The following C1orf185 variants were observed in gnomAD, a reference collection of about 807,000 sequenced individuals.
C1orf185 encodes the protein uncharacterized protein C1orf185.
In C1orf185, 13 loss-of-function variants were observed where a neutral mutation model predicts 16.1. That is an observed-to-expected ratio of 0.81 (90% CI 0.53 to 1.28). The LOEUF (loss-of-function observed/expected upper bound fraction) is 1.28, where lower values mean the gene tolerates loss of function less well. Ranked by LOEUF, C1orf185 falls within the 50% of genes most tolerant of loss-of-function variation. C1orf185 has a pLI of 0.00. For synonymous variants in C1orf185, 80 were observed against 76.9 expected (o/e 1.04, Z -0.21); for missense variants, 220 against 225.2 (o/e 0.98, Z 0.15).
At chr1:51,151,179 T>C (rs145476941), downstream of C1orf185, among the ~76,000 whole-genome samples, 2 of 152,294 alleles carry the variant, frequency 1.3e-5, no homozygotes, top group African/African-American at 4.8e-5. Flanking sequence ...CAAATAATGT[T>C]TGAACAACTA....
At chr1:51,142,747 T>C (rs1646373496) in intron 3 of C1orf185, among the ~76,000 whole-genome samples, 1 of 152,098 alleles carries the variant, frequency 6.6e-6, no homozygotes, top group Admixed American at 6.6e-5. Flanking sequence ...ATTCTCTTGT[T>C]CACTCCTGCT....
intron 3 of C1orf185, among the ~76,000 whole-genome samples, chr1:51,132,000 T>C (rs879289658): frequency 6.6e-5 from 10 of 152,174 alleles, no homozygotes; most frequent in Non-Finnish European, 1.3e-4. Context: ...GAGCTGAGGA[T>C]TGGCTGCCTA....
intron 3 of C1orf185, among the ~76,000 whole-genome samples, chr1:51,124,410 TG>T (rs1557647542): frequency 2.6e-5 from 4 of 152,210 alleles, no homozygotes; most frequent in Non-Finnish European, 5.9e-5. Context: ...GGTGTGTTTT[TG>T]TTGCAGGGCA....
rs1466174838 is a variant in C1orf185, at chr1:51,102,246, A to G, written c.13A>G (p.Lys5Glu). The change falls in exon 1 of 5, where the codon AAA (lysine) becomes GAA (glutamate). Residue 5 changes from lysine (K) to glutamate (E), a missense_variant. Physicochemically the swap from Lys to Glu is moderately conservative, Grantham distance 56. Coordinates refer to ENST00000371759, the MANE Select transcript of C1orf185 (RefSeq NM_001136508.2). ...AGAACTCAGTCATATGGCTTCACCTAAAGGTATGAGAAGCTGGGTCATGTA... is the reference window on the plus strand; with the variant it reads ...AGAACTCAGTCATATGGCTTCACCTGAAGGTATGAGAAGCTGGGTCATGTA... MASP[K>E]GFFNYLTYFL... 2 of 716,332 alleles carry G rather than the reference A, an allele frequency of 2.8e-6. No homozygotes were observed. Among genetic ancestry groups the G allele is most frequent in the Non-Finnish European group, 5.2e-6 (2 of 383,780 alleles). 44.4% of individuals were successfully genotyped at this position (716,332 alleles called of 1,614,324 possible). A position where few individuals can be genotyped will look rare whatever the true frequency, so the allele number is the denominator to read the frequency against.
intron 3 of C1orf185, among the ~76,000 whole-genome samples, chr1:51,143,448 A>C (rs1646379783): frequency 6.6e-6 from 1 of 152,174 alleles, no homozygotes; most frequent in African/African-American, 2.4e-5. Flanking sequence ...TACTACCATT[A>C]TTTAGATGCC....
chr1:51,105,450 A>T (rs17106407), intron 1 of C1orf185, among the ~76,000 whole-genome samples: 3 of 152,078 alleles, frequency 2.0e-5, no homozygotes, highest in Non-Finnish European at 4.4e-5. Context: ...AATTGAACTT[A>T]AAAAATATGT....
At chr1:51,136,008 C>A (rs1428981557) in intron 3 of C1orf185, among the ~76,000 whole-genome samples, 2 of 152,146 alleles carry the variant, frequency 1.3e-5, no homozygotes, top group Non-Finnish European at 2.9e-5. Flanking sequence ...TCCTATACAC[C>A]AACAACAGTC....
chr1:51,120,247 T>C (rs1218990404), intron 3 of C1orf185, among the ~76,000 whole-genome samples: 3 of 152,164 alleles, frequency 2.0e-5, no homozygotes, highest in South Asian at 2.1e-4. Flanking sequence ...GTTTACCCCT[T>C]AGGCCGCACA....
chr1:51,127,717 A>C (rs2148021668), intron 3 of C1orf185, among the ~76,000 whole-genome samples: 1 of 152,258 alleles, frequency 6.6e-6, no homozygotes, highest in East Asian at 1.9e-4. Flanking sequence ...TGTGTGTGTT[A>C]GAACTTTGTT....
downstream of C1orf185, chr1:51,148,168 G>A (rs1390214218): frequency 1.2e-5 from 2 of 163,736 alleles, no homozygotes; most frequent in African/African-American, 4.8e-5. Context: ...CTATTGCCCA[G>A]GCTAGAGTGC....
At chr1:51,116,808 A>G (rs951628245) in intron 2 of C1orf185, among the ~76,000 whole-genome samples, 2 of 145,168 alleles carry the variant, frequency 1.4e-5, no homozygotes, top group Non-Finnish European at 3.0e-5. Flanking sequence ...TGTATATGAT[A>G]TTCTCTCTGT....
chr1:51,144,848 C>A (rs1364016251), intron 3 of C1orf185, among the ~76,000 whole-genome samples: 3 of 152,162 alleles, frequency 2.0e-5, no homozygotes, highest in Non-Finnish European at 4.4e-5. Flanking sequence ...ACTATTATCT[C>A]TCCAGCTTCA....
chr1:51,134,231 TGA>T (rs1401147829), intron 3 of C1orf185, among the ~76,000 whole-genome samples: 1 of 152,208 alleles, frequency 6.6e-6, no homozygotes, highest in Non-Finnish European at 1.5e-5. Flanking sequence ...ATACTGCTCC[TGA>T]ATGTCTTTTG....
intron 3 of C1orf185, among the ~76,000 whole-genome samples, chr1:51,125,499 C>T (rs1419262978): frequency 6.6e-6 from 1 of 152,100 alleles, no homozygotes. Flanking sequence ...CCTTGTAAAC[C>T]TATCCTAAAT....
intron 1 of C1orf185, among the ~76,000 whole-genome samples, chr1:51,107,549 T>C (rs1056162827): frequency 1.3e-5 from 2 of 152,214 alleles, no homozygotes; most frequent in Admixed American, 6.5e-5. Flanking sequence ...ATTGGAATCA[T>C]TGAATATACA....
intron 3 of C1orf185, among the ~76,000 whole-genome samples, chr1:51,121,114 C>A (rs532955770): frequency 1.3e-5 from 2 of 152,042 alleles, no homozygotes; most frequent in Non-Finnish European, 2.9e-5. Context: ...GTGGTGAGAA[C>A]GCTTAAAATC....
rs72892502 is a variant in C1orf185 at position 51,142,552 on chromosome 1, C to G, written c.259-3172C>G. Among the ~76,000 whole-genome samples, 1,321 of 152,252 alleles carry G rather than the reference C, an allele frequency of 8.7e-3. 32 individuals are homozygous for G. The East Asian group carries it at 0.098, about 11-fold the overall frequency. On this transcript the variant is annotated intron_variant, in intron 3 of 4. Coordinates refer to ENST00000371759, the MANE Select transcript of C1orf185 (RefSeq NM_001136508.2). ...GTTTCCAATGTGGAGAAGTTTTTAG[C>G]TATGAATTCAATTTCTCTGGTAGAC...
intron 3 of C1orf185, among the ~76,000 whole-genome samples, chr1:51,144,367 A>T (rs1198272115): frequency 6.6e-6 from 1 of 152,220 alleles, no homozygotes; most frequent in Non-Finnish European, 1.5e-5. Flanking sequence ...AGGTAAGGCC[A>T]GGAAGCCCAT....
Position 51,118,805 on chromosome 1 carries a change from G to A in C1orf185, c.258+4G>A. The stretch of plus-strand genomic sequence containing the variant: ...TACTGGGAGATTCCAATTACAGGTA[G>A]GGTGTAATATTTTATAGTAATCTTT... On this transcript the variant is annotated splice_donor_region_variant and intron_variant, in intron 3 of 4. Coordinates refer to ENST00000371759, the MANE Select transcript of C1orf185 (RefSeq NM_001136508.2). 1 of 1,436,302 alleles carries A rather than the reference G, an allele frequency of 7.0e-7. No individual in the cohort carries two copies. The highest frequency in any genetic ancestry group is 9.3e-7 in the Non-Finnish European group (1 of 1,080,868). 89.0% of individuals were successfully genotyped at this position (1,436,302 alleles called of 1,614,324 possible). A position where few individuals can be genotyped will look rare whatever the true frequency, so the allele number is the denominator to read the frequency against.
Sources: gnomAD v4.1 joint callset for allele counts (sites outside exome capture counted in the v4.1 genomes callset) on GRCh38, gnomAD v4.1.1 for gene constraint, MANE v1.5 for transcripts, NCBI Gene and HGNC (gene_info 2026-07-23, HGNC 2026-07-21) for gene names.